The following CNTN1 variants were observed in gnomAD, a reference collection of about 807,000 sequenced individuals.
CNTN1 encodes contactin-1.
A neutral mutation model predicts 126.4 loss-of-function variants in CNTN1; 38 were observed. The observed-to-expected ratio is 0.30, with a 90% CI of 0.23 to 0.39. CNTN1 has a LOEUF of 0.39. Among genes scored for constraint, CNTN1 ranks in the 10% least tolerant of loss-of-function variants. The probability of loss-of-function intolerance (pLI) is 1.00; values close to 1 mark genes in which losing one functional copy is unlikely to be tolerated. For synonymous variants in CNTN1, 413 were observed against 422.6 expected (o/e 0.98, Z 0.28); for missense variants, 1,009 against 1,248.4 (o/e 0.81, Z 2.89).
chr12:41,064,679 C>A (rs1052776112), intron 23 of CNTN1, among the ~76,000 whole-genome samples: 1 of 151,976 alleles, frequency 6.6e-6, no homozygotes. Context: ...TGCTCTTAAA[C>A]CCATCTTTGA....
chr12:40,730,912 T>C (rs1267779906), intron 1 of CNTN1, among the ~76,000 whole-genome samples: 1 of 152,126 alleles, frequency 6.6e-6, no homozygotes, highest in Non-Finnish European at 1.5e-5. Context: ...ATGTAAACGT[T>C]AATATAATGT....
intron 1 of CNTN1, among the ~76,000 whole-genome samples, chr12:40,889,523 A>G (rs951778519): frequency 6.6e-6 from 1 of 152,208 alleles, no homozygotes; most frequent in Non-Finnish European, 1.5e-5. Context: ...AAAACTGTTT[A>G]CTAAGCATTT....
intron 15 of CNTN1, among the ~76,000 whole-genome samples, chr12:40,977,590 G>A (rs1055635465): frequency 6.6e-6 from 1 of 152,012 alleles, no homozygotes; most frequent in Non-Finnish European, 1.5e-5. Flanking sequence ...TCCCTGGAAT[G>A]ACTGACAAAG....
intron 1 of CNTN1, among the ~76,000 whole-genome samples, chr12:40,703,994 G>A (rs1321055850): frequency 2.6e-5 from 4 of 152,050 alleles, no homozygotes; most frequent in Admixed American, 1.3e-4. Flanking sequence ...CTATGCAGAG[G>A]ACAAATAAAG....
chr12:40,966,697 A>C (rs1225711713), intron 15 of CNTN1, among the ~76,000 whole-genome samples: 1 of 152,190 alleles, frequency 6.6e-6, no homozygotes, highest in South Asian at 2.1e-4. Flanking sequence ...ATTGAGGTAC[A>C]CTCAAGAATT....
At chr12:40,852,154 A>T (rs1942741314) in intron 1 of CNTN1, among the ~76,000 whole-genome samples, 1 of 152,186 alleles carries the variant, frequency 6.6e-6, no homozygotes, top group South Asian at 2.1e-4. Context: ...GCCTTCAGCT[A>T]CAGTGGCTTT....
chr12:40,738,662 G>A (rs1308866651), intron 1 of CNTN1, among the ~76,000 whole-genome samples: 1 of 151,738 alleles, frequency 6.6e-6, no homozygotes, highest in Non-Finnish European at 1.5e-5. Context: ...GTTAATAAAG[G>A]GTCAAATATT....
Position 40,700,539 on chromosome 12 carries a change from A to T in CNTN1, c.-77+7947A>T, listed in dbSNP as rs59555839. On this transcript the variant is annotated intron_variant, in intron 1 of 23. Transcript: ENST00000551295. The stretch of plus-strand genomic sequence containing the variant: ...AGACTCTGTCTCAAAATAAAAAAAA[A>T]AATAAAAAATAAACTGGATTTTCTT... 5.3e-5 allele frequency among the ~76,000 whole-genome samples: 8 copies of T among 152,278 alleles called. No individual in the cohort carries two copies. In the East Asian group the frequency reaches 1.2e-3, roughly 22 times the overall value.
intron 17 of CNTN1, among the ~76,000 whole-genome samples, chr12:41,012,198 C>CAG (rs147517723): frequency 5.3e-5 from 8 of 151,754 alleles, no homozygotes; most frequent in Admixed American, 1.3e-4. Flanking sequence ...AGATCAAGGG[C>CAG]AGAGAGAGAG....
At chr12:40,991,519 A>T (rs1948094564) in intron 16 of CNTN1, among the ~76,000 whole-genome samples, 1 of 152,166 alleles carries the variant, frequency 6.6e-6, no homozygotes, top group Admixed American at 6.5e-5. Context: ...AAAATCATTG[A>T]AAAGTGTCCA....
chr12:40,719,772 A>G (rs116236993), intron 1 of CNTN1, among the ~76,000 whole-genome samples: 2,286 of 152,286 alleles, frequency 0.015, 22 homozygotes, highest in African/African-American at 0.026. Flanking sequence ...ATGCAAAGTT[A>G]AAAGAGTAGA....
chr12:40,865,680 T>C (rs1466994462), intron 1 of CNTN1, among the ~76,000 whole-genome samples: 1 of 152,092 alleles, frequency 6.6e-6, no homozygotes, highest in Non-Finnish European at 1.5e-5. Context: ...CCTATTGATC[T>C]ATATGTCTAT....
intron 19 of CNTN1, among the ~76,000 whole-genome samples, chr12:41,018,185 G>A (rs1948825800): frequency 6.6e-6 from 1 of 151,944 alleles, no homozygotes; most frequent in Non-Finnish European, 1.5e-5. Flanking sequence ...AGATGTCATT[G>A]CCTTCTGATC....
chr12:40,868,657 C>T lies in CNTN1; in HGVS notation c.-76-39700C>T, dbSNP rs139250699. On this transcript the variant is annotated intron_variant, in intron 1 of 23. Transcript: ENST00000551295. The stretch of plus-strand genomic sequence containing the variant: ...CTTTGCTCCTCTTGATGCTTCTGCA[C>T]CTGCTCCCTCTGGGTGATAGGTTGC... Among the ~76,000 whole-genome samples, 515 of 152,226 alleles carry T rather than the reference C, an allele frequency of 3.4e-3. 2 individuals carry two copies. The highest frequency in any genetic ancestry group is 6.8e-3 in the Middle Eastern group (2 of 294).
At chr12:40,821,015 C>A (rs1941425958) in intron 1 of CNTN1, among the ~76,000 whole-genome samples, 1 of 152,172 alleles carries the variant, frequency 6.6e-6, no homozygotes, top group East Asian at 1.9e-4. Flanking sequence ...CACATTAAAT[C>A]TTCCTAAAGG....
intron 20 of CNTN1, among the ~76,000 whole-genome samples, chr12:41,021,948 T>G (rs1306247519): frequency 1.3e-5 from 2 of 152,044 alleles, no homozygotes; most frequent in African/African-American, 4.8e-5. Flanking sequence ...TTTTTCTTCT[T>G]TTATATTATT....
At chr12:40,940,427 A>G (rs1946227694) in intron 12 of CNTN1, among the ~76,000 whole-genome samples, 1 of 152,156 alleles carries the variant, frequency 6.6e-6, no homozygotes, top group South Asian at 2.1e-4. Context: ...TTAAAGTCTT[A>G]AACAAGGGAG....
intron 3 of CNTN1, among the ~76,000 whole-genome samples, chr12:40,915,848 GA>G (rs1345070870): frequency 6.6e-6 from 1 of 151,996 alleles, no homozygotes; most frequent in Non-Finnish European, 1.5e-5. Flanking sequence ...CTCCCAACAT[GA>G]CCATCTGAAA....
chr12:41,018,931 C>T (rs374188104), intron 19 of CNTN1, among the ~76,000 whole-genome samples: 6 of 151,856 alleles, frequency 4.0e-5, no homozygotes, highest in Admixed American at 1.3e-4. Context: ...TCGAGGTGGG[C>T]GGATCACCTG....
Sources: gnomAD v4.1 joint callset for allele counts (sites outside exome capture counted in the v4.1 genomes callset) on GRCh38, gnomAD v4.1.1 for gene constraint, MANE v1.5 for transcripts, NCBI Gene and HGNC (gene_info 2026-07-23, HGNC 2026-07-21) for gene names.